The following PRRC2B variants were observed in gnomAD, a reference collection of about 807,000 sequenced individuals.
The protein encoded by PRRC2B is proline rich coiled-coil 2B.
Under a neutral mutation model 242.3 loss-of-function variants are expected in PRRC2B, and 68 were observed. The ratio of observed to expected loss-of-function variants is 0.28; its 90% CI spans 0.23 to 0.34. The LOEUF (loss-of-function observed/expected upper bound fraction) is 0.34, where lower values mean the gene tolerates loss of function less well. PRRC2B is among the 10% of genes least tolerant of loss of function. The probability of loss-of-function intolerance (pLI) is 1.00; values close to 1 mark genes in which losing one functional copy is unlikely to be tolerated. For synonymous variants in PRRC2B, 1,228 were observed against 1,173.6 expected (o/e 1.05, Z -0.95); for missense variants, 2,835 against 2,954.8 (o/e 0.96, Z 0.94).
Position 131,438,979 on chromosome 9 carries a change from C to A in PRRC2B, c.397-10C>A. ...AGCTGGCCCTCTTCTGATTCTCTTC[C>A]TTCTTTCAGAATACAAATTCAGTGC... On this transcript the variant is annotated splice_polypyrimidine_tract_variant and intron_variant, in intron 4 of 31. Coordinates refer to ENST00000683519, the MANE Select transcript of PRRC2B (RefSeq NM_013318.4). 6.2e-7 allele frequency: 1 copy of A among 1,608,978 alleles called. No homozygotes were observed. The highest frequency in any genetic ancestry group is 8.5e-7 in the Non-Finnish European group (1 of 1,176,780).
rs1347519264 is a variant in PRRC2B at position 131,481,709 on chromosome 9, T to C, written c.4901-17T>C. On this transcript the variant is annotated splice_polypyrimidine_tract_variant and intron_variant, in intron 19 of 31. Transcript: ENST00000683519. ...GTTGCTCTTTGATGCCCTGACTCTG[T>C]CTTCCTCCCCTGGCAGCTCTCCCTG... is the stretch of plus-strand genomic sequence containing the variant. 5 of 1,553,772 alleles carry C rather than the reference T, an allele frequency of 3.2e-6. No homozygotes were observed. Among genetic ancestry groups the C allele is most frequent in the Non-Finnish European group, 4.4e-6 (5 of 1,148,118 alleles).
chr9:131,459,202 T>C lies in PRRC2B; in HGVS notation c.1250T>C (p.Met417Thr), dbSNP rs748341036. 9 of 1,613,890 alleles carry C rather than the reference T, an allele frequency of 5.6e-6. No individual in the cohort carries two copies. Among genetic ancestry groups the C allele is most frequent in the Admixed American group, 3.3e-5 (2 of 60,002 alleles). ...CCTAGGAGGCAGCGGCAGTTGTCAATGAGCTCTGCAGACAGTGCGGACGCT... is the reference window on the plus strand; with the variant it reads ...CCTAGGAGGCAGCGGCAGTTGTCAACGAGCTCTGCAGACAGTGCGGACGCT... ...WDPRRQRQLS[M>T]SSADSADAKR... Residue 417 changes from methionine (M) to threonine (T), a missense_variant, in exon 11 of 32, where the codon ATG (methionine) becomes ACG (threonine). Met to Thr is a moderately conservative substitution (Grantham distance 81, BLOSUM62 -1). Transcript: ENST00000683519.
chr9:131,405,345 C>G (rs1006215979), intron 1 of PRRC2B, among the ~76,000 whole-genome samples: 2 of 152,118 alleles, frequency 1.3e-5, no homozygotes, highest in Non-Finnish European at 2.9e-5. Flanking sequence ...TGTTTTCTTC[C>G]AACTGTTATA....
At chr9:131,411,970 A>ATT (rs5900936) in intron 1 of PRRC2B, among the ~76,000 whole-genome samples, 1 of 146,010 alleles carries the variant, frequency 6.8e-6, no homozygotes, top group African/African-American at 2.5e-5. Flanking sequence ...CAGCTAATTA[A>ATT]TTTTTTTTTT....
chr9:131,474,529 A>T lies in PRRC2B; in HGVS notation c.2400A>T (p.Arg800Ser). Residue 800 changes from arginine to serine, a missense_variant, in exon 16 of 32, where the codon AGA becomes AGT. Around this residue, in one of 7 missense-constraint regions of PRRC2B, gnomAD observed 1,536 missense variants for 1,483.1 expected, o/e 1.04. Coordinates refer to ENST00000683519, the MANE Select transcript of PRRC2B (RefSeq NM_013318.4). ...CTCAGCGCGATCTCTTTGAGGAGAG[A>T]GGGGAGGAGTACTTGAGTGCTTTTG... ...VSAQRDLFEE[R>S]GEEYLSAFDK... 1 of 1,613,892 alleles carries T rather than the reference A, an allele frequency of 6.2e-7. No homozygotes were observed. Among genetic ancestry groups the T allele is most frequent in the Non-Finnish European group, 8.5e-7 (1 of 1,179,864 alleles).
chr9:131,435,270 C>T (rs1402733589), intron 3 of PRRC2B, among the ~76,000 whole-genome samples: 1 of 149,826 alleles, frequency 6.7e-6, no homozygotes, highest in Non-Finnish European at 1.5e-5. Flanking sequence ...TGCACTTTAG[C>T]CAGAGTGACA....
At chr9:131,425,189 T>C (rs559098355) in intron 1 of PRRC2B, among the ~76,000 whole-genome samples, 1 of 152,266 alleles carries the variant, frequency 6.6e-6, no homozygotes, top group African/African-American at 2.4e-5. Context: ...TTTCACCATG[T>C]TGGCCAGGCT....
chr9:131,453,359 T>C (rs547170341), intron 9 of PRRC2B, among the ~76,000 whole-genome samples: 12 of 152,326 alleles, frequency 7.9e-5, no homozygotes, highest in Admixed American at 7.2e-4. Flanking sequence ...GCTTTTTAAT[T>C]AGATTGAGTT....
intron 1 of PRRC2B, among the ~76,000 whole-genome samples, chr9:131,429,174 T>C (rs966073063): frequency 1.3e-5 from 2 of 152,082 alleles, no homozygotes; most frequent in African/African-American, 4.8e-5. Flanking sequence ...CTCGAACTCC[T>C]GACCTTAAGT....
In PRRC2B at chr9:131,486,028, T is replaced by C. The variant is rs1474079357; in HGVS notation, c.5759-57T>C. On this transcript the variant is annotated intron_variant, in intron 25 of 31. Coordinates refer to ENST00000683519, the MANE Select transcript of PRRC2B (RefSeq NM_013318.4). ...CTGTAGACTGTTTCCCTCAGGGACA[T>C]TGAGAAGTAGTGAGGCTTGATCCTC... The C allele has an allele frequency of 6.8e-6, 8 of 1,173,892 alleles. No individual in the cohort carries two copies. The East Asian group carries it at 1.0e-4, about 15-fold the overall frequency. 72.7% of individuals were successfully genotyped at this position (1,173,892 alleles called of 1,614,324 possible). A position where few individuals can be genotyped will look rare whatever the true frequency, so the allele number is the denominator to read the frequency against.
chr9:131,423,782 T>C (rs143883512), intron 1 of PRRC2B, among the ~76,000 whole-genome samples: 1 of 152,314 alleles, frequency 6.6e-6, no homozygotes, highest in African/African-American at 2.4e-5. Flanking sequence ...GTCTTCACTG[T>C]GGAGAGTGTA....
At chr9:131,460,780 C>CT (rs897153374) in intron 11 of PRRC2B, among the ~76,000 whole-genome samples, 1 of 152,158 alleles carries the variant, frequency 6.6e-6, no homozygotes, top group Non-Finnish European at 1.5e-5. Flanking sequence ...CTTCCTTCAT[C>CT]TTTCCCGGAT....
At position 131,447,657 on chromosome 9, in the gene PRRC2B, A is replaced by G. The variant is rs779482067; in HGVS notation, c.978-5A>G. 1.9e-6 allele frequency: 3 copies of G among 1,583,966 alleles called. No individual in the cohort carries two copies. Among genetic ancestry groups the G allele is most frequent in the South Asian group, 2.3e-5 (2 of 88,764 alleles). ...ACATGATTCCATCATCTTTTCTTTT[A>G]TCAGAAAAGAAAACAGGCTGGGATT... is the stretch of plus-strand genomic sequence containing the variant. On this transcript the variant is annotated splice_region_variant and splice_polypyrimidine_tract_variant and intron_variant, in intron 8 of 31. Transcript: ENST00000683519.
intron 1 of PRRC2B, among the ~76,000 whole-genome samples, chr9:131,396,142 C>T (rs1284937193): frequency 6.6e-6 from 1 of 151,998 alleles, no homozygotes; most frequent in East Asian, 1.9e-4. Flanking sequence ...TCTTGGGAGC[C>T]TCACTTAAGA....
At chr9:131,436,484 G>A (rs1322713857) in intron 3 of PRRC2B, 136 bp from the exon 4 acceptor site, 13 of 602,144 alleles carry the variant, frequency 2.2e-5, no homozygotes, top group Non-Finnish European at 2.9e-5. Context: ...GAATCTACTG[G>A]GGAAAGTCGT....
chr9:131,474,696 A>G lies in PRRC2B; in HGVS notation c.2567A>G (p.Glu856Gly). 2 of 1,612,976 alleles carry G rather than the reference A, an allele frequency of 1.2e-6. No homozygotes were observed. The highest frequency in any genetic ancestry group is 1.7e-6 in the Non-Finnish European group (2 of 1,179,500). The part of the protein sequence containing the change: ...HTQNLRCSPL[E>G]PDFVPDEKKP... Reference sequence around the variant, plus strand: ...CAAAACCTCAGGTGTTCCCCATTGGAGCCTGACTTTGTCCCAGATGAGAAA... The same window carrying G: ...CAAAACCTCAGGTGTTCCCCATTGGGGCCTGACTTTGTCCCAGATGAGAAA... The change falls in exon 16 of 32, where the codon GAG becomes GGG. Residue 856 changes from glutamate to glycine, a missense_variant. By Grantham distance (98) the Glu-to-Gly change is moderately conservative. Transcript: ENST00000683519.
rs769721242 is a variant in PRRC2B, at chr9:131,475,751, C to T, written c.3622C>T (p.Arg1208Trp). 18 of 1,613,274 alleles carry T rather than the reference C, an allele frequency of 1.1e-5. No homozygotes were observed. Among genetic ancestry groups the T allele is most frequent in the Admixed American group, 5.0e-5 (3 of 59,922 alleles). The change falls in exon 16 of 32, where the codon CGG becomes TGG. Residue 1208 changes from arginine (R) to tryptophan (W), a missense_variant. This residue lies in a region of PRRC2B where 1,536 missense variants were observed against 1,483.1 expected (regional missense o/e 1.04). Transcript: ENST00000683519. ...GGCCTTTGGGCGAGCCCTCCCTCCC[C>T]GGCTGAGCAATTGCGGGTATGGACG... is the stretch of plus-strand genomic sequence containing the variant. ...PRAFGRALPP[R>W]LSNCGYGRRT...
chr9:131,391,801 C>T (rs745483719), upstream of PRRC2B, among the ~76,000 whole-genome samples: 2 of 152,128 alleles, frequency 1.3e-5, no homozygotes, highest in Non-Finnish European at 1.5e-5. Context: ...AGTGAAGTGG[C>T]GTGCTCTTGG....
In PRRC2B at chr9:131,482,826, C is replaced by G. The variant is rs371439363; in HGVS notation, c.5292C>G (p.Val1764=). The G allele has an allele frequency of 1.9e-6, 3 of 1,609,038 alleles. No homozygotes were observed. Among genetic ancestry groups the G allele is most frequent in the Non-Finnish European group, 2.5e-6 (3 of 1,177,690 alleles). Residue 1764 remains valine, a synonymous_variant, in exon 22 of 32, where the codon GTC becomes GTG. Coordinates refer to ENST00000683519, the MANE Select transcript of PRRC2B (RefSeq NM_013318.4). This position sits in a 1 kb window ranked among gnomAD's most constrained non-coding sequence, Gnocchi z 5.2. The stretch of plus-strand genomic sequence containing the variant: ...GGGCCGAGCGGCTGCAAGGGGCTGT[C>G]GTCCCGCCTGTTAACGGGGTGGAGA... ...SEGAERLQGA[V]VPPVNGVEIH...
Sources: allele counts gnomAD v4.1 joint callset (sites outside exome capture counted in the v4.1 genomes callset), GRCh38; gene constraint gnomAD v4.1.1; regional missense constraint gnomAD v4.1.1; non-coding constraint Gnocchi (gnomAD v3.1); transcripts MANE v1.5; gene names NCBI Gene and HGNC (gene_info 2026-07-23, HGNC 2026-07-21).